PIP5K1C: variants seen among roughly 807,000 people sequenced by gnomAD.
PIP5K1C encodes the protein phosphatidylinositol-4-phosphate 5-kinase type 1 gamma.
PIP5K1C carries 45 observed loss-of-function variants against 80.1 expected under a neutral mutation model. The ratio of observed to expected loss-of-function variants is 0.56; its 90% confidence interval spans 0.44 to 0.72. The LOEUF is 0.72. Ranked by LOEUF, PIP5K1C falls within the 30% of genes least tolerant of loss-of-function variation. The pLI is 0.00. For missense variants in PIP5K1C, 753 were observed against 954.6 expected, an observed-to-expected ratio of 0.79 and a Z score of 2.78; for synonymous variants, 498 against 420.1, an observed-to-expected ratio of 1.19 and a Z score of -2.27.
At position 3,641,901 on chromosome 19, in the gene PIP5K1C, A is replaced by C. The variant is rs903142066; in HGVS notation, c.1683-92T>G. On this transcript the variant is annotated intron_variant, in intron 14 of 17. Coordinates refer to ENST00000335312, the MANE Select transcript of PIP5K1C (RefSeq NM_012398.3). ...CCCAGTGAACTCCAGGGCCAGTCCC[A>C]GAGGGGAGTTGGGAGCCTCCTGATT... 6 of 1,018,110 alleles carry C rather than the reference A, an allele frequency of 5.9e-6. No homozygotes were observed. In the African/African-American group the frequency reaches 8.0e-5, roughly 13 times the overall value. The allele number at this position is 1,018,110 out of a possible 1,614,324, so 63.1% of individuals were successfully genotyped here.
intron 5 of PIP5K1C, among the ~76,000 whole-genome samples, chr19:3,658,212 C>T (rs1341299595): frequency 6.6e-6 from 1 of 152,242 alleles, no homozygotes; most frequent in African/African-American, 2.4e-5. Context: ...TCAACACAGG[C>T]TGGATTTTGC....
chr19:3,683,235 G>C (rs1195494201), intron 1 of PIP5K1C, among the ~76,000 whole-genome samples: 1 of 152,224 alleles, frequency 6.6e-6, no homozygotes, highest in Admixed American at 6.5e-5. Context: ...CTCTGCAACA[G>C]TGCAGACAGC....
rs1157210711 is a variant in PIP5K1C at position 3,664,918 on chromosome 19, G to A, written c.127-4C>T. On this transcript the variant is annotated splice_region_variant and splice_polypyrimidine_tract_variant and intron_variant, in intron 2 of 17. Transcript: ENST00000335312. ...GCTGTGCCGTCATGGACAGAACCTG[G>A]GAAGAGGAAGCAGGAAGCGTTAACT... The A allele has an allele frequency of 1.9e-6, 3 of 1,611,350 alleles. No homozygotes were observed. Among genetic ancestry groups the A allele is most frequent in the Non-Finnish European group, 2.5e-6 (3 of 1,178,500 alleles).
In PIP5K1C at chr19:3,692,104, G is replaced by C. The variant is rs559510837; in HGVS notation, c.94+8193C>G. 6.6e-6 allele frequency among the ~76,000 whole-genome samples: 1 copy of C among 152,310 alleles called. No individual in the cohort carries two copies. The highest frequency in any genetic ancestry group is 2.4e-5 in the African/African-American group (1 of 41,554). ...CCCCACTCCCTGGGCGCCCACCATG[G>C]GCAGGGCCGGCTCTGAGCCTTTTGT... On this transcript the variant is annotated intron_variant, in intron 1 of 17. Coordinates refer to ENST00000335312, the MANE Select transcript of PIP5K1C (RefSeq NM_012398.3). This position sits in a 1 kb window ranked among gnomAD's most constrained non-coding sequence, Gnocchi z 5.2.
intron 3 of PIP5K1C, among the ~76,000 whole-genome samples, chr19:3,663,287 T>C (rs1021722463): frequency 6.6e-6 from 1 of 152,258 alleles, no homozygotes; most frequent in Admixed American, 6.5e-5. Flanking sequence ...CGGTCTCCAG[T>C]GCTCCTGTCG....
chr19:3,684,091 C>T (rs935465314), intron 1 of PIP5K1C, among the ~76,000 whole-genome samples: 1 of 152,154 alleles, frequency 6.6e-6, no homozygotes, highest in African/African-American at 2.4e-5. Context: ...GAGCAGCACC[C>T]ACAGCCTCCT....
chr19:3,699,737 G>T (rs1411700532), intron 1 of PIP5K1C, among the ~76,000 whole-genome samples: 2 of 152,052 alleles, frequency 1.3e-5, no homozygotes, highest in Non-Finnish European at 2.9e-5. Context: ...AGCCCCACCA[G>T]TGTGTCCTGG....
At chr19:3,680,971 C>A (rs927085120) in intron 1 of PIP5K1C, among the ~76,000 whole-genome samples, 2 of 152,154 alleles carry the variant, frequency 1.3e-5, no homozygotes, top group Non-Finnish European at 2.9e-5. Context: ...CCCTGCAGTG[C>A]CCAGGATGGC....
At chr19:3,693,840 G>A (rs1220129060) in intron 1 of PIP5K1C, among the ~76,000 whole-genome samples, 1 of 152,030 alleles carries the variant, frequency 6.6e-6, no homozygotes, top group Non-Finnish European at 1.5e-5. Flanking sequence ...GAGGCAGGAG[G>A]GCTGCTTGGG....
In PIP5K1C at chr19:3,648,614, C is replaced by A; in HGVS notation, c.1211+11G>T. 1 of 1,611,106 alleles carries A rather than the reference C, an allele frequency of 6.2e-7. No homozygotes were observed. On this transcript the variant is annotated intron_variant, in intron 9 of 17. Transcript: ENST00000335312. The surrounding 1 kb of genome is among the most constrained non-coding windows in gnomAD (Gnocchi z 4.3). ...GCGTCCACCTGTAGGACTGCAGACCCGGGCACCCACCTGTAGGACTGCAGG... is the reference window on the plus strand; with the variant it reads ...GCGTCCACCTGTAGGACTGCAGACCAGGGCACCCACCTGTAGGACTGCAGG...
intron 1 of PIP5K1C, among the ~76,000 whole-genome samples, chr19:3,697,833 G>A (rs2036173170): frequency 6.6e-6 from 1 of 152,212 alleles, no homozygotes; most frequent in Non-Finnish European, 1.5e-5. Context: ...CACACAGTGG[G>A]CACAGCCGCA....
chr19:3,669,272 G>T (rs138767316), intron 1 of PIP5K1C, among the ~76,000 whole-genome samples: 1 of 152,172 alleles, frequency 6.6e-6, no homozygotes, highest in Non-Finnish European at 1.5e-5. Context: ...CGTAGGGCTC[G>T]GCCCTCTGGC....
chr19:3,661,924 T>C lies in PIP5K1C; in HGVS notation c.297A>G (p.Glu99=). Residue 99 remains glutamate, a synonymous_variant, in exon 4 of 18, where the codon GAA becomes GAG. Coordinates refer to ENST00000335312, the MANE Select transcript of PIP5K1C (RefSeq NM_012398.3). ...AGAAGTCCTGCATGAGCACGTCGCG[T>C]TCGGGCTTGGAGCTCAGGTGGCCCA... The part of the protein sequence containing the change: ...YTVGHLSSKP[E]RDVLMQDFYV... 6.2e-7 allele frequency: 1 copy of C among 1,612,816 alleles called. No individual in the cohort carries two copies. Among genetic ancestry groups the C allele is most frequent in the East Asian group, 2.2e-5 (1 of 44,874 alleles).
rs376024727 is a variant in PIP5K1C, at chr19:3,648,702, G to A, written c.1134C>T (p.Gly378=). 1.5e-5 allele frequency: 24 copies of A among 1,612,702 alleles called. No homozygotes were observed. The African/African-American group carries it at 1.9e-4, about 13-fold the overall frequency. ...CGCGGCCGTTCACAGCGGGGATCCC[G>A]CCCATCCTGGGGAGAGAGGCCGAGG... ...GEAIESDDTM[G]GIPAVNGRGE... The change falls in exon 9 of 18, where the codon GGC becomes GGT. Residue 378 remains glycine (G), a synonymous_variant. Transcript: ENST00000335312. The surrounding 1 kb of genome is among the most constrained non-coding windows in gnomAD (Gnocchi z 4.3).
At chr19:3,685,391 G>C (rs1047853889) in intron 1 of PIP5K1C, among the ~76,000 whole-genome samples, 8 of 152,154 alleles carry the variant, frequency 5.3e-5, no homozygotes, top group Non-Finnish European at 1.2e-4. Flanking sequence ...GTCTAAAGCA[G>C]GGGCTGGTAT....
chr19:3,644,044 C>G, intron 12 of PIP5K1C, 43 bp downstream of exon 12: 1 of 1,605,120 alleles, frequency 6.2e-7, no homozygotes, highest in Non-Finnish European at 8.5e-7. Flanking sequence ...CTGCTGGCAC[C>G]CCCTGTAGCG....
At position 3,657,515 on chromosome 19, in the gene PIP5K1C, G is replaced by T. The variant is rs1428070698; in HGVS notation, c.469-958C>A. On this transcript the variant is annotated intron_variant, in intron 5 of 17. Coordinates refer to ENST00000335312, the MANE Select transcript of PIP5K1C (RefSeq NM_012398.3). ...GCCAGGCCCCCCAGGGTCAACGCTG[G>T]GTCCGTATCTGCTGGACGACAGAAG... Among the ~76,000 whole-genome samples the T allele has an allele frequency of 2.6e-5, 4 of 152,284 alleles. No homozygotes were observed. The East Asian group carries it at 7.7e-4, about 29-fold the overall frequency.
At position 3,656,315 on chromosome 19, in the gene PIP5K1C, C is replaced by T. The variant is rs1222804083; in HGVS notation, c.621+90G>A. Reference sequence around the variant, plus strand: ...TCTCACCACGCCCCAAGGATGCCTGCTTGCCCAAGCCTTGCAGACATCTGC... The same window carrying T: ...TCTCACCACGCCCCAAGGATGCCTGTTTGCCCAAGCCTTGCAGACATCTGC... On this transcript the variant is annotated intron_variant, in intron 6 of 17. Transcript: ENST00000335312. 7.4e-6 allele frequency: 11 copies of T among 1,488,434 alleles called. No homozygotes were observed. The Admixed American group carries it at 1.9e-4, about 25-fold the overall frequency. 92.2% of individuals were successfully genotyped at this position (1,488,434 alleles called of 1,614,324 possible).
intron 1 of PIP5K1C, among the ~76,000 whole-genome samples, chr19:3,676,426 T>C (rs962485585): frequency 6.6e-6 from 1 of 152,162 alleles, no homozygotes; most frequent in African/African-American, 2.4e-5. Flanking sequence ...TTCGGTCAAC[T>C]CTAGAAATCA....
Sources: gnomAD v4.1 joint callset for allele counts (sites outside exome capture counted in the v4.1 genomes callset) on GRCh38, gnomAD v4.1.1 for gene constraint, Gnocchi (gnomAD v3.1) non-coding constraint, MANE v1.5 for transcripts, NCBI Gene and HGNC (gene_info 2026-07-23, HGNC 2026-07-21) for gene names.